The following TAF3 variants were observed in gnomAD, a reference collection of about 807,000 sequenced individuals.
TAF3 encodes transcription initiation factor TFIID subunit 3.
TAF3 carries 7 observed loss-of-function variants against 80.6 expected under a neutral mutation model. The ratio of observed to expected loss-of-function variants is 0.09; its 90% CI spans 0.05 to 0.16. The LOEUF (loss-of-function observed/expected upper bound fraction) is 0.16. Among genes scored for constraint, TAF3 ranks in the 10% least tolerant of loss-of-function variants. TAF3 has a pLI of 1.00. For missense variants in TAF3, 921 were observed against 1,140.2 expected, an observed-to-expected ratio of 0.81 and a Z score of 2.77; for synonymous variants, 444 against 446.1, an observed-to-expected ratio of 1.00 and a Z score of 0.06.
chr10:8,003,509 A>G (rs1831964612), intron 4 of TAF3, among the ~76,000 whole-genome samples: 1 of 152,244 alleles, frequency 6.6e-6, no homozygotes, highest in South Asian at 2.1e-4. Flanking sequence ...AAAATTATGC[A>G]TGGGTAAATT....
rs747573321 is a variant in TAF3, at chr10:7,915,984, G to GA, written c.410-47924dup. Among the ~76,000 whole-genome samples, 657 of 138,680 alleles carry GA rather than the reference G, an allele frequency of 4.7e-3. 3 individuals carry two copies. Among genetic ancestry groups the GA allele is most frequent in the African/African-American group, 0.012 (459 of 37,988 alleles). The allele number at this position is 138,680 out of a possible 152,430, so 91.0% of individuals were successfully genotyped here. A position where few individuals can be genotyped will look rare whatever the true frequency, so the allele number is the denominator to read the frequency against. ...CAGAGTAAGACTGTCTAAAAAAAAA[G>GA]AAAAAAAAAAAACCATGTAGTTTTT... On this transcript the variant is annotated intron_variant, in intron 2 of 6. Coordinates refer to ENST00000344293, the MANE Select transcript of TAF3 (RefSeq NM_031923.4).
chr10:7,822,584 G>A (rs1441747574), intron 1 of TAF3, among the ~76,000 whole-genome samples: 5 of 152,018 alleles, frequency 3.3e-5, no homozygotes, highest in East Asian at 1.9e-4. Flanking sequence ...TCCACCCCTC[G>A]AACTGTTAAC....
At chr10:7,844,075 A>G (rs1836945451) in intron 2 of TAF3, among the ~76,000 whole-genome samples, 1 of 152,178 alleles carries the variant, frequency 6.6e-6, no homozygotes, top group Non-Finnish European at 1.5e-5. Flanking sequence ...GATAGTAACA[A>G]TTTGTTCATA....
At chr10:8,003,885 A>G (rs1307344989) in intron 4 of TAF3, among the ~76,000 whole-genome samples, 1 of 152,166 alleles carries the variant, frequency 6.6e-6, no homozygotes, top group Non-Finnish European at 1.5e-5. Context: ...ATTATCAAAG[A>G]AAAAACAACC....
chr10:7,917,380 G>A (rs1007205072), intron 2 of TAF3, among the ~76,000 whole-genome samples: 1 of 152,206 alleles, frequency 6.6e-6, no homozygotes, highest in African/African-American at 2.4e-5. Context: ...TATAGATGCT[G>A]TCACACAGAA....
intron 2 of TAF3, among the ~76,000 whole-genome samples, chr10:7,950,976 T>G (rs1838076885): frequency 6.6e-6 from 1 of 152,232 alleles, no homozygotes; most frequent in African/African-American, 2.4e-5. Context: ...TGAGTTACAG[T>G]GCTGTGCACT....
chr10:7,993,904 T>TA (rs1831858564), intron 4 of TAF3, among the ~76,000 whole-genome samples: 6 of 144,618 alleles, frequency 4.1e-5, no homozygotes, highest in African/African-American at 1.5e-4. Flanking sequence ...TTTTTTTTTT[T>TA]ACTTGCCAGT....
At chr10:7,884,392 C>CTTTTTTTTTTTTTTTTTTT (rs61498355) in intron 2 of TAF3, among the ~76,000 whole-genome samples, 1 of 120,498 alleles carries the variant, frequency 8.3e-6, no homozygotes, top group African/African-American at 2.9e-5. Flanking sequence ...GCTCTGCCTC[C>CTTTTTTTTTTTTTTTTTTT]TTTTTTTTTT....
At position 7,935,544 on chromosome 10, in the gene TAF3, A is replaced by T. The variant is rs545078913; in HGVS notation, c.410-28376A>T. ...GCTTGCAGTGAGCCGAGATCGCGCC[A>T]CTGCACTCCAGCCTGAGTGACAGAG... On this transcript the variant is annotated intron_variant, in intron 2 of 6. Transcript: ENST00000344293. Among the ~76,000 whole-genome samples, 47 of 152,318 alleles carry T rather than the reference A, an allele frequency of 3.1e-4. No homozygotes were observed. The South Asian group carries it at 6.8e-3, about 22-fold the overall frequency.
chr10:7,976,577 G>A (rs1300858227), intron 3 of TAF3, among the ~76,000 whole-genome samples: 1 of 152,104 alleles, frequency 6.6e-6, no homozygotes, highest in African/African-American at 2.4e-5. Flanking sequence ...ACCACGCCCA[G>A]CTAATTTTTT....
intron 2 of TAF3, among the ~76,000 whole-genome samples, chr10:7,937,481 A>G (rs745912195): frequency 2.4e-4 from 36 of 152,152 alleles, no homozygotes; most frequent in Non-Finnish European, 3.8e-4. Flanking sequence ...TGCCATCTGT[A>G]TATGTCTTTG....
At chr10:7,883,624 T>C (rs557583459) in intron 2 of TAF3, among the ~76,000 whole-genome samples, 1 of 152,364 alleles carries the variant, frequency 6.6e-6, no homozygotes, top group Non-Finnish European at 1.5e-5. Context: ...TAATTATTCC[T>C]AATAGTTGCT....
At chr10:7,984,397 G>C (rs1406118629) in intron 4 of TAF3, among the ~76,000 whole-genome samples, 1 of 152,160 alleles carries the variant, frequency 6.6e-6, no homozygotes, top group Non-Finnish European at 1.5e-5. Flanking sequence ...CATCTTACTT[G>C]TAAACAATTA....
intron 1 of TAF3, among the ~76,000 whole-genome samples, chr10:7,821,636 G>A (rs769849577): frequency 1.3e-5 from 2 of 152,182 alleles, no homozygotes; most frequent in Non-Finnish European, 2.9e-5. Flanking sequence ...GCATTCAAGG[G>A]CAGATGTCTC....
chr10:7,884,668 G>T (rs544788783), intron 2 of TAF3, among the ~76,000 whole-genome samples: 1 of 152,116 alleles, frequency 6.6e-6, no homozygotes, highest in Non-Finnish European at 1.5e-5. Context: ...GATTACAGGC[G>T]TGCGCCGCTG....
intron 2 of TAF3, among the ~76,000 whole-genome samples, chr10:7,933,664 A>G (rs1259313677): frequency 6.6e-6 from 1 of 152,208 alleles, no homozygotes; most frequent in Non-Finnish European, 1.5e-5. Context: ...ATGCACATAT[A>G]CACATCAGTG....
At chr10:7,833,390 GC>G (rs1486619027) in intron 2 of TAF3, among the ~76,000 whole-genome samples, 1 of 152,088 alleles carries the variant, frequency 6.6e-6, no homozygotes, top group Non-Finnish European at 1.5e-5. Context: ...TTTTATAGCA[GC>G]CATTCTAACA....
intron 2 of TAF3, among the ~76,000 whole-genome samples, chr10:7,853,546 C>G (rs1342291712): frequency 6.6e-6 from 1 of 152,180 alleles, no homozygotes; most frequent in Non-Finnish European, 1.5e-5. Flanking sequence ...AGGAAATATT[C>G]TTCAACTGTT....
intron 2 of TAF3, among the ~76,000 whole-genome samples, chr10:7,905,164 A>G (rs990935970): frequency 6.6e-6 from 1 of 152,156 alleles, no homozygotes; most frequent in African/African-American, 2.4e-5. Context: ...ATACAACTCA[A>G]GGGGGGCTAT....
Sources: allele counts gnomAD v4.1 joint callset (sites outside exome capture counted in the v4.1 genomes callset), GRCh38; gene constraint gnomAD v4.1.1; transcripts MANE v1.5; gene names NCBI Gene and HGNC (gene_info 2026-07-23, HGNC 2026-07-21).